Variants in HGSNAT observed in about 807,000 individuals in gnomAD.
HGSNAT encodes the protein heparan-alpha-glucosaminide N-acetyltransferase, also known as transmembrane protein 76.
Under a neutral mutation model 85.2 loss-of-function variants are expected in HGSNAT, and 59 were observed. The ratio of observed to expected loss-of-function variants is 0.69; its 90% CI spans 0.56 to 0.86. The LOEUF is 0.86. HGSNAT is among the 40% of genes least tolerant of loss of function. The pLI is 0.00. For synonymous variants in HGSNAT, 321 were observed against 304.5 expected (o/e 1.05, Z -0.56); for missense variants, 756 against 777.1 (o/e 0.97, Z 0.32).
chr8:43,170,817 T>C, intron 7 of HGSNAT, 123 bp downstream of exon 7: 1 of 629,866 alleles, frequency 1.6e-6, no homozygotes, highest in Non-Finnish European at 2.7e-6. Context: ...CTAGGAAGGA[T>C]TTCTTGGATG....
chr8:43,168,384 CTTTTTTTTTTTTT>C (rs34270087), intron 5 of HGSNAT, among the ~76,000 whole-genome samples: 18 of 70,228 alleles, frequency 2.6e-4, no homozygotes, highest in African/African-American at 1.2e-3. Context: ...AATAGTTGAT[CTTTTTTTTTTTTT>C]TTTTTTTTTT....
intron 13 of HGSNAT, 110 bp from the exon 14 acceptor site, chr8:43,193,645 CAG>C: frequency 1.5e-6 from 1 of 663,610 alleles, no homozygotes; most frequent in Non-Finnish European, 2.6e-6. Context: ...GCAGCAAAAA[CAG>C]AAAACCATGA....
chr8:43,147,090 G>A, intron 2 of HGSNAT, 27 bp downstream of exon 2: 1 of 1,346,006 alleles, frequency 7.4e-7, no homozygotes, highest in South Asian at 1.3e-5. Flanking sequence ...ACTCAGTTCT[G>A]TTTGCTTTGG....
intron 13 of HGSNAT, 89 bp downstream of exon 13, chr8:43,192,519 C>A (rs1385231059): frequency 5.0e-6 from 7 of 1,398,450 alleles, no homozygotes; most frequent in Non-Finnish European, 6.7e-6. Flanking sequence ...TTAAACCATG[C>A]CCATTTAAGA....
At chr8:43,169,414 C>T (rs981366355) in intron 6 of HGSNAT, among the ~76,000 whole-genome samples, 172 bp downstream of exon 6, 5 of 152,198 alleles carry the variant, frequency 3.3e-5, no homozygotes, top group Admixed American at 2.0e-4. Context: ...GGGAAGGGCT[C>T]CATCCCTTCT....
chr8:43,178,334 C>A, intron 10 of HGSNAT, 100 bp downstream of exon 10: 1 of 800,480 alleles, frequency 1.2e-6, no homozygotes, highest in Non-Finnish European at 1.9e-6. Context: ...CAGGTGCCTG[C>A]AAATAGAATA....
At chr8:43,177,326 C>T (rs914528809) in intron 9 of HGSNAT, among the ~76,000 whole-genome samples, 5 of 151,200 alleles carry the variant, frequency 3.3e-5, no homozygotes, top group East Asian at 1.9e-4. Flanking sequence ...CCGAGGCGGG[C>T]GGATCACAAG....
chr8:43,196,924 G>C (rs1804745123), intron 14 of HGSNAT, 24 bp from the exon 15 acceptor site: 1 of 1,434,748 alleles, frequency 7.0e-7, no homozygotes, highest in Non-Finnish European at 9.8e-7. Context: ...GATTCTTTTG[G>C]TCACACTGTG....
intron 9 of HGSNAT, among the ~76,000 whole-genome samples, chr8:43,175,641 T>C (rs1017289373): frequency 6.7e-6 from 1 of 148,590 alleles, no homozygotes; most frequent in East Asian, 2.1e-4. Context: ...TCTTGGTTCA[T>C]TGCAACCTCT....
At position 43,191,515 on chromosome 8, in the gene HGSNAT, G is replaced by C. The variant is rs1804526900; in HGVS notation, c.1170G>C (p.Trp390Cys). The C allele has an allele frequency of 1.2e-6, 2 of 1,613,816 alleles. No individual in the cohort carries two copies. The highest frequency in any genetic ancestry group is 2.7e-5 in the African/African-American group (2 of 74,892). The stretch of plus-strand genomic sequence containing the variant: ...CTCTTCGAGACATCACGTCCAGCTG[G>C]CCCCAGTGGCTGCTCATCCTGGTGC... ...CLSLRDITSS[W>C]PQWLLILVLE... is the part of the protein sequence containing the mutation. Residue 390 changes from tryptophan (W) to cysteine (C), a missense_variant, in exon 12 of 18, where the codon TGG (tryptophan) becomes TGC (cysteine). Trp to Cys is a radical substitution (Grantham distance 215). Coordinates refer to ENST00000379644, the MANE Select transcript of HGSNAT (RefSeq NM_152419.3).
chr8:43,142,266 G>A (rs919217082), intron 1 of HGSNAT, among the ~76,000 whole-genome samples: 3 of 152,058 alleles, frequency 2.0e-5, no homozygotes, highest in African/African-American at 7.2e-5. Context: ...TAGACCAGAG[G>A]AGAGAGAAGG....
intron 5 of HGSNAT, among the ~76,000 whole-genome samples, chr8:43,161,793 G>A (rs998617806): frequency 1.3e-4 from 20 of 152,216 alleles, no homozygotes; most frequent in African/African-American, 4.1e-4. Context: ...TAAAGCATCC[G>A]ACTTTTTAAC....
intron 5 of HGSNAT, chr8:43,168,144 C>T (rs939980532): frequency 1.3e-5 from 2 of 158,334 alleles, no homozygotes; most frequent in African/African-American, 2.4e-5. Context: ...TGGTCTTGAT[C>T]TCCTAACCTC....
At chr8:43,187,956 T>C (rs1804378918) in intron 11 of HGSNAT, among the ~76,000 whole-genome samples, 2 of 152,246 alleles carry the variant, frequency 1.3e-5, no homozygotes, top group African/African-American at 4.8e-5. Flanking sequence ...TCTTTAAGAA[T>C]GTTGGATATT....
chr8:43,183,321 C>G (rs1804196836), intron 11 of HGSNAT, among the ~76,000 whole-genome samples: 1 of 152,066 alleles, frequency 6.6e-6, no homozygotes, highest in Non-Finnish European at 1.5e-5. Context: ...CATGCACTAC[C>G]ATGCCCAGTT....
At chr8:43,174,664 G>A (rs1296908764) in intron 9 of HGSNAT, among the ~76,000 whole-genome samples, 2 of 152,056 alleles carry the variant, frequency 1.3e-5, no homozygotes, top group Non-Finnish European at 2.9e-5. Flanking sequence ...TATATAGTAT[G>A]GTAGATATGA....
chr8:43,180,065 ACCCCCCCACC>A (rs1804001018), intron 10 of HGSNAT, among the ~76,000 whole-genome samples: 1 of 38,920 alleles, frequency 2.6e-5, no homozygotes, highest in Non-Finnish European at 4.7e-5. Context: ...CGGGGGGCTG[ACCCCCCCACC>A]TCCCTCCCGG....
intron 10 of HGSNAT, among the ~76,000 whole-genome samples, chr8:43,179,541 C>A (rs1302018015): frequency 1.2e-4 from 13 of 112,080 alleles, no homozygotes; most frequent in African/African-American, 3.6e-4. Flanking sequence ...CCGACCCCCC[C>A]CACCGCCTCC....
At chr8:43,142,647 A>C (rs866043426) in intron 1 of HGSNAT, among the ~76,000 whole-genome samples, 1 of 152,188 alleles carries the variant, frequency 6.6e-6, no homozygotes, top group Non-Finnish European at 1.5e-5. Context: ...AATTAAAAAA[A>C]TCATGCTGAT....
Sources: allele counts gnomAD v4.1 joint callset (sites outside exome capture counted in the v4.1 genomes callset), GRCh38; gene constraint gnomAD v4.1.1; transcripts MANE v1.5; gene names NCBI Gene and HGNC (gene_info 2026-07-23, HGNC 2026-07-21).